Variants in ME3 observed in about 807,000 individuals in gnomAD.
The protein encoded by ME3 is NADP-dependent malic enzyme, mitochondrial.
Under a neutral mutation model 68.9 loss-of-function variants are expected in ME3, and 48 were observed. The ratio of observed to expected loss-of-function variants is 0.70; its 90% CI spans 0.55 to 0.89. The LOEUF is 0.89. ME3 is among the 40% of genes least tolerant of loss of function. ME3 has a pLI of 0.00. For synonymous variants in ME3, 320 were observed against 318.8 expected (o/e 1.00, Z -0.04); for missense variants, 675 against 797.4 (o/e 0.85, Z 1.85).
intron 2 of ME3, among the ~76,000 whole-genome samples, chr11:86,625,633 C>T (rs775399016): frequency 3.9e-5 from 6 of 152,206 alleles, no homozygotes; most frequent in Non-Finnish European, 7.3e-5. Context: ...AGTGTCAGAC[C>T]TTGTGCCAGG....
At chr11:86,552,102 A>T (rs1253003978) in intron 4 of ME3, among the ~76,000 whole-genome samples, 1 of 152,214 alleles carries the variant, frequency 6.6e-6, no homozygotes, top group Non-Finnish European at 1.5e-5. Flanking sequence ...TGGGTCAAAC[A>T]GATCACAGCT....
intron 2 of ME3, among the ~76,000 whole-genome samples, chr11:86,588,213 A>T (rs891631333): frequency 6.6e-6 from 1 of 152,218 alleles, no homozygotes; most frequent in Non-Finnish European, 1.5e-5. Flanking sequence ...ATTAATTGGC[A>T]GTATCATAGT....
intron 2 of ME3, among the ~76,000 whole-genome samples, chr11:86,662,109 G>A (rs601988): frequency 0.31 from 46,405 of 152,010 alleles, 7,140 homozygotes; most frequent in East Asian, 0.36. Flanking sequence ...AGGGAACAGG[G>A]AATACACTAG....
chr11:86,485,307 C>T (rs1471004846), intron 7 of ME3, among the ~76,000 whole-genome samples: 5 of 152,198 alleles, frequency 3.3e-5, no homozygotes, highest in Admixed American at 6.5e-5. Flanking sequence ...TCTTCACTAT[C>T]GTAGTTATTG....
intron 2 of ME3, among the ~76,000 whole-genome samples, chr11:86,573,565 G>A (rs1565158094): frequency 6.6e-6 from 1 of 151,664 alleles, no homozygotes; most frequent in African/African-American, 2.4e-5. Flanking sequence ...ATAGAGTCAT[G>A]TCATCTGCAA....
At chr11:86,587,086 T>G (rs570376480) in intron 2 of ME3, among the ~76,000 whole-genome samples, 7 of 152,184 alleles carry the variant, frequency 4.6e-5, no homozygotes, top group African/African-American at 1.7e-4. Context: ...AGGAGGTAGA[T>G]GGTAAGGTTT....
rs73514389 is a variant in ME3, at chr11:86,669,306, G to A, written c.183+2456C>T. 5.6e-3 allele frequency among the ~76,000 whole-genome samples: 852 copies of A among 152,320 alleles called. 5 individuals are homozygous for A. Among genetic ancestry groups the A allele is most frequent in the African/African-American group, 0.02 (812 of 41,574 alleles). On this transcript the variant is annotated intron_variant, in intron 2 of 14. Coordinates refer to ENST00000543262, the Ensembl canonical transcript of ME3. ...CTGACTTCAGGAATATATAAAAGATGTTGTTTAACATCATGGAAAGGTCAG... is the reference window on the plus strand; with the variant it reads ...CTGACTTCAGGAATATATAAAAGATATTGTTTAACATCATGGAAAGGTCAG...
intron 2 of ME3, among the ~76,000 whole-genome samples, chr11:86,564,026 T>C: frequency 6.6e-6 from 1 of 152,170 alleles, no homozygotes; most frequent in East Asian, 1.9e-4. Flanking sequence ...AATTTGTACA[T>C]TGCTTTGGGC....
intron 2 of ME3, 150 bp from the exon 3 acceptor site, chr11:86,559,973 G>A (rs1226576652): frequency 3.7e-6 from 3 of 804,718 alleles, no homozygotes; most frequent in African/African-American, 3.5e-5. Flanking sequence ...ATTAAAGTAG[G>A]AGGGTCATCT....
chr11:86,526,229 C>T (rs574514726), intron 4 of ME3, among the ~76,000 whole-genome samples: 47 of 152,350 alleles, frequency 3.1e-4, no homozygotes, highest in African/African-American at 1.1e-3. Context: ...ATATCCCGTG[C>T]ATGGCTCGGA....
intron 2 of ME3, among the ~76,000 whole-genome samples, chr11:86,575,063 T>A (rs1958024244): frequency 6.8e-6 from 1 of 147,078 alleles, no homozygotes; most frequent in Non-Finnish European, 1.5e-5. Context: ...GCTTTCAGTG[T>A]ATGGGAAGCA....
intron 11 of ME3, among the ~76,000 whole-genome samples, chr11:86,447,416 T>C (rs1949373335): frequency 6.6e-6 from 1 of 152,176 alleles, no homozygotes; most frequent in African/African-American, 2.4e-5. Context: ...GGACCACTGG[T>C]CCACCTCAGG....
rs148503772 is a variant in ME3 at position 86,585,785 on chromosome 11, G to T, written c.184-25962C>A. On this transcript the variant is annotated intron_variant, in intron 2 of 14. Coordinates refer to ENST00000543262, the Ensembl canonical transcript of ME3. ...GAGCTTAGAGCAAAAACAGAGCCTG[G>T]CTTGAGCTTTGAGAAGCTCCAGCTT... Among the ~76,000 whole-genome samples, 675 of 152,244 alleles carry T rather than the reference G, an allele frequency of 4.4e-3. 5 individuals carry two copies. The highest frequency in any genetic ancestry group is 6.0e-3 in the Admixed American group (92 of 15,296).
chr11:86,508,679 A>G lies in ME3; in HGVS notation c.543+113T>C, dbSNP rs1447983774. The G allele has an allele frequency of 1.2e-5, 11 of 914,474 alleles. No individual in the cohort carries two copies. In the Admixed American group the frequency reaches 2.1e-4, roughly 18 times the overall value. The allele number at this position is 914,474 out of a possible 1,614,324, so 56.6% of individuals were successfully genotyped here. On this transcript the variant is annotated intron_variant, in intron 5 of 14. Transcript: ENST00000543262. ...GGTCTGTGGCTTAGGAATGGGAGGTAGTATGCTGCCTTCAGTGTCATAATG... is the reference window on the plus strand; with the variant it reads ...GGTCTGTGGCTTAGGAATGGGAGGTGGTATGCTGCCTTCAGTGTCATAATG...
intron 4 of ME3, among the ~76,000 whole-genome samples, chr11:86,538,320 G>T (rs890802443): frequency 3.9e-5 from 6 of 152,164 alleles, no homozygotes; most frequent in Non-Finnish European, 8.8e-5. Flanking sequence ...GCAAGTCTCT[G>T]CCTCCTCTGA....
chr11:86,626,526 T>G (rs1328374499), intron 2 of ME3, among the ~76,000 whole-genome samples: 1 of 152,218 alleles, frequency 6.6e-6, no homozygotes, highest in Non-Finnish European at 1.5e-5. Context: ...TCGTCTCTAA[T>G]TTTCTGCCTT....
At chr11:86,522,403 A>T (rs1158185181) in intron 4 of ME3, among the ~76,000 whole-genome samples, 1 of 151,678 alleles carries the variant, frequency 6.6e-6, no homozygotes, top group East Asian at 1.9e-4. Context: ...ATATGTGCAG[A>T]ATGTATTGTT....
chr11:86,582,258 G>A (rs2139615165), intron 2 of ME3, among the ~76,000 whole-genome samples: 1 of 152,286 alleles, frequency 6.6e-6, no homozygotes, highest in Middle Eastern at 3.4e-3. Context: ...GACCTTCTGT[G>A]CCCATCTACT....
chr11:86,615,522 A>C (rs1370243232), intron 2 of ME3, among the ~76,000 whole-genome samples: 2 of 152,248 alleles, frequency 1.3e-5, no homozygotes, highest in Non-Finnish European at 2.9e-5. Flanking sequence ...TGATCAAGGT[A>C]GAAATACAGG....
Sources: allele counts gnomAD v4.1 joint callset (sites outside exome capture counted in the v4.1 genomes callset), GRCh38; gene constraint gnomAD v4.1.1; transcripts MANE v1.5; gene names NCBI Gene and HGNC (gene_info 2026-07-23, HGNC 2026-07-21).